The following TASOR variants were observed in gnomAD, a reference collection of about 807,000 sequenced individuals.
TASOR encodes the protein transcription activation suppressor.
In TASOR, 53 loss-of-function variants were observed where a neutral mutation model predicts 178.6. The ratio of observed to expected loss-of-function variants is 0.30; its 90% CI spans 0.24 to 0.37. The LOEUF is 0.37. Ranked by LOEUF, TASOR falls within the 10% of genes least tolerant of loss-of-function variation. The probability of loss-of-function intolerance (pLI) is 1.00; values close to 1 mark genes in which losing one functional copy is unlikely to be tolerated. For missense variants in TASOR, 1,815 were observed against 1,971.4 expected, an observed-to-expected ratio of 0.92 and a Z score of 1.50; for synonymous variants, 713 against 696.2, an observed-to-expected ratio of 1.02 and a Z score of -0.38.
Position 56,682,678 on chromosome 3 carries a change from T to G in TASOR, c.329A>C (p.Lys110Thr). ...TTGAGAAGAAGGGGAGGCACCACCT[T>G]TCTTTTCTCTGCTCTTCCTGGGGAT... ...FQIPRKSREK[K>T]ALFQPLTPGS... Residue 110 changes from lysine (K) to threonine (T), a missense_variant and splice_region_variant, in exon 1 of 24, where the codon AAA (lysine) becomes ACA (threonine). Physicochemically the swap from Lys to Thr is moderately conservative, Grantham distance 78. Transcript: ENST00000683822. 1 of 1,464,650 alleles carries G rather than the reference T, an allele frequency of 6.8e-7. No homozygotes were observed. Among genetic ancestry groups the G allele is most frequent in the East Asian group, 2.5e-5 (1 of 39,706 alleles). The allele number at this position is 1,464,650 out of a possible 1,614,324, so 90.7% of individuals were successfully genotyped here.
In TASOR at chr3:56,633,197, G is replaced by A. The variant is rs1178909276; in HGVS notation, c.3594C>T (p.Asn1198=). ...EETTKSPSDV[N]ISAQPALSNF... ...TTGAAAGAGCTGGTTGAGCAGAAAT[G>A]TTTACATCACTGGGGGATTTTGTTG... Residue 1198 remains asparagine, a synonymous_variant, in exon 18 of 24, where the codon AAC becomes AAT. Coordinates refer to ENST00000683822, the MANE Select transcript of TASOR (RefSeq NM_001365635.2). 6.2e-7 allele frequency: 1 copy of A among 1,614,184 alleles called. No individual in the cohort carries two copies.
intron 5 of TASOR, 93 bp from the exon 6 acceptor site, chr3:56,668,651 A>T: frequency 1.1e-6 from 1 of 933,902 alleles, no homozygotes; most frequent in Non-Finnish European, 1.5e-6. Context: ...AATATAGATC[A>T]ACTATCCCAA....
At chr3:56,652,257 T>A (rs2077367556) in intron 11 of TASOR, among the ~76,000 whole-genome samples, 3 of 151,942 alleles carry the variant, frequency 2.0e-5, no homozygotes, top group African/African-American at 7.3e-5. Flanking sequence ...AATCTACTTT[T>A]AAAAAAAACA....
intron 15 of TASOR, 140 bp from the exon 16 acceptor site, chr3:56,640,270 C>A: frequency 1.4e-6 from 1 of 700,214 alleles, no homozygotes; most frequent in Non-Finnish European, 2.3e-6. Flanking sequence ...AAGTTATACT[C>A]TAGTTTCAAA....
intron 17 of TASOR, among the ~76,000 whole-genome samples, chr3:56,636,428 CAG>C (rs1171442050): frequency 6.6e-6 from 1 of 151,746 alleles, no homozygotes; most frequent in Non-Finnish European, 1.5e-5. Context: ...GTTGTTGAGA[CAG>C]AGACTCGCTC....
At chr3:56,675,901 T>C (rs1454218972) in intron 1 of TASOR, among the ~76,000 whole-genome samples, 2 of 152,254 alleles carry the variant, frequency 1.3e-5, no homozygotes, top group Non-Finnish European at 2.9e-5. Flanking sequence ...CATGTATATA[T>C]TACATAAGTG....
At chr3:56,669,265 A>T (rs1008173822) in intron 5 of TASOR, among the ~76,000 whole-genome samples, 3 of 152,154 alleles carry the variant, frequency 2.0e-5, no homozygotes, top group Admixed American at 6.5e-5. Context: ...GCACTTTGGG[A>T]GGCTGACGCG....
rs780827894 is a variant in TASOR at position 56,623,182 on chromosome 3, G to A, written c.4868C>T (p.Pro1623Leu). 1.2e-6 allele frequency: 2 copies of A among 1,613,558 alleles called. No homozygotes were observed. The highest frequency in any genetic ancestry group is 4.5e-5 in the East Asian group (2 of 44,836). The change falls in exon 24 of 24, where the codon CCA becomes CTA. Residue 1623 changes from proline (P) to leucine (L), a missense_variant. Pro to Leu is a moderately conservative substitution (Grantham distance 98). Coordinates refer to ENST00000683822, the MANE Select transcript of TASOR (RefSeq NM_001365635.2). ...VLTHQTFLGT[P>L]YALSSSQSQE... ...AGACTGACTTGATGAAAGGGCATATGGTGTCCCCAAAAATGTCTGATGAGT... is the reference window on the plus strand; with the variant it reads ...AGACTGACTTGATGAAAGGGCATATAGTGTCCCCAAAAATGTCTGATGAGT...
intron 11 of TASOR, among the ~76,000 whole-genome samples, chr3:56,651,657 A>G (rs2077354355): frequency 6.6e-6 from 1 of 151,946 alleles, no homozygotes; most frequent in African/African-American, 2.4e-5. Flanking sequence ...TGATTGTGCC[A>G]CGCACTATAG....
chr3:56,643,586 C>T (rs1428201743), intron 14 of TASOR, among the ~76,000 whole-genome samples: 1 of 151,978 alleles, frequency 6.6e-6, no homozygotes, highest in South Asian at 2.1e-4. Context: ...CACGGTGAAA[C>T]CCCGTCTCTG....
Position 56,633,358 on chromosome 3 carries a change from T to C in TASOR, c.3433A>G (p.Thr1145Ala). The C allele has an allele frequency of 6.2e-7, 1 of 1,614,200 alleles. No individual in the cohort carries two copies. Among genetic ancestry groups the C allele is most frequent in the Non-Finnish European group, 8.5e-7 (1 of 1,180,024 alleles). ...EPLCSDPLKD[T>A]NSDEQHSTSA... is the part of the protein sequence containing the mutation. Reference sequence around the variant, plus strand: ...GTGGAATGCTGCTCATCAGAGTTGGTATCTTTCAAAGGATCACTACACAGT... The same window carrying C: ...GTGGAATGCTGCTCATCAGAGTTGGCATCTTTCAAAGGATCACTACACAGT... Residue 1145 changes from threonine to alanine, a missense_variant, in exon 18 of 24, where the codon ACC becomes GCC. By Grantham distance (58) the Thr-to-Ala change is moderately conservative. This residue lies in a region of TASOR where 655 missense variants were observed against 671.1 expected (regional missense o/e 0.98). Coordinates refer to ENST00000683822, the MANE Select transcript of TASOR (RefSeq NM_001365635.2).
At chr3:56,646,456 C>G (rs902945115) in intron 14 of TASOR, 66 bp downstream of exon 14, 6 of 1,346,906 alleles carry the variant, frequency 4.5e-6, no homozygotes, top group Non-Finnish European at 6.1e-6. Context: ...TTATACGCCC[C>G]TCTGCTACAA....
intron 11 of TASOR, among the ~76,000 whole-genome samples, chr3:56,657,705 A>G (rs1056211368): frequency 6.6e-6 from 1 of 152,206 alleles, no homozygotes. Flanking sequence ...TTACATTTCA[A>G]TACAGAATGA....
In TASOR at chr3:56,622,934, A is replaced by G; in HGVS notation, c.*103T>C. 1 of 735,342 alleles carries G rather than the reference A, an allele frequency of 1.4e-6. No individual in the cohort carries two copies. The highest frequency in any genetic ancestry group is 3.4e-5 in the South Asian group (1 of 29,776). 45.6% of individuals were successfully genotyped at this position (735,342 alleles called of 1,614,324 possible). A position where few individuals can be genotyped will look rare whatever the true frequency, so the allele number is the denominator to read the frequency against. ...AGGCCATCATGATTTAAATAAAAGA[A>G]AAAACATTTGAGAAAGAACAAGAAC... On this transcript the variant is annotated 3_prime_UTR_variant, in exon 24 of 24. Coordinates refer to ENST00000683822, the MANE Select transcript of TASOR (RefSeq NM_001365635.2).
rs754267186 is a variant in TASOR at position 56,627,570 on chromosome 3, A to C, written c.4030+12T>G. 135 of 1,613,512 alleles carry C rather than the reference A, an allele frequency of 8.4e-5. 3 individuals are homozygous for C. In the South Asian group the frequency reaches 1.5e-3, roughly 18 times the overall value. On this transcript the variant is annotated intron_variant, in intron 20 of 23. Coordinates refer to ENST00000683822, the MANE Select transcript of TASOR (RefSeq NM_001365635.2). The stretch of plus-strand genomic sequence containing the variant: ...GAAGAGGAGTTACGTGCTCAAAAGA[A>C]CATCATCTTACCAACTGTGACAACC...
intron 5 of TASOR, among the ~76,000 whole-genome samples, chr3:56,669,194 G>A (rs1244985003): frequency 6.6e-6 from 1 of 151,818 alleles, no homozygotes; most frequent in Non-Finnish European, 1.5e-5. Flanking sequence ...TCTTAAGTAC[G>A]GTTAGCTTAG....
chr3:56,651,754 A>C (rs1344738402), intron 11 of TASOR, among the ~76,000 whole-genome samples: 1 of 152,094 alleles, frequency 6.6e-6, no homozygotes, highest in African/African-American at 2.4e-5. Flanking sequence ...ATTCAGCAGA[A>C]AAAAAAAGAT....
At position 56,622,924 on chromosome 3, in the gene TASOR, A is replaced by T; in HGVS notation, c.*113T>A. The stretch of plus-strand genomic sequence containing the variant: ...CAACTGTTACAGGCCATCATGATTT[A>T]AATAAAAGAAAAAACATTTGAGAAA... On this transcript the variant is annotated 3_prime_UTR_variant, in exon 24 of 24. Coordinates refer to ENST00000683822, the MANE Select transcript of TASOR (RefSeq NM_001365635.2). The T allele has an allele frequency of 3.1e-6, 2 of 649,958 alleles. No homozygotes were observed. Among genetic ancestry groups the T allele is most frequent in the Non-Finnish European group, 2.4e-6 (1 of 409,436 alleles). The allele number at this position is 649,958 out of a possible 1,614,324, so 40.3% of individuals were successfully genotyped here. A position where few individuals can be genotyped will look rare whatever the true frequency, so the allele number is the denominator to read the frequency against.
Position 56,683,198 on chromosome 3 carries a change from C to T in TASOR, c.-192G>A. On this transcript the variant is annotated 5_prime_UTR_variant, in exon 1 of 24. Transcript: ENST00000683822. ...TGTAGCGGGCACCCCAAATGCGCTGCCCGGTCCTCGGAGCCGCTCCTCCCT... is the reference window on the plus strand; with the variant it reads ...TGTAGCGGGCACCCCAAATGCGCTGTCCGGTCCTCGGAGCCGCTCCTCCCT... The T allele has an allele frequency of 1.8e-6, 1 of 552,882 alleles. No homozygotes were observed. The allele number at this position is 552,882 out of a possible 1,614,324, so 34.2% of individuals were successfully genotyped here.
Sources: allele counts gnomAD v4.1 joint callset (sites outside exome capture counted in the v4.1 genomes callset), GRCh38; gene constraint gnomAD v4.1.1; regional missense constraint gnomAD v4.1.1; transcripts MANE v1.5; gene names NCBI Gene and HGNC (gene_info 2026-07-23, HGNC 2026-07-21).